CNKSR2: variants seen among roughly 807,000 people sequenced by gnomAD.
The protein encoded by CNKSR2 is connector enhancer of kinase suppressor of Ras 2.
Under a neutral mutation model 84.4 loss-of-function variants are expected in CNKSR2, and 14 were observed. That is an observed-to-expected ratio of 0.17 (90% CI 0.11 to 0.26). The LOEUF (loss-of-function observed/expected upper bound fraction) is 0.26. Ranked by LOEUF, CNKSR2 falls within the 10% of genes least tolerant of loss-of-function variation. The pLI is 1.00. For synonymous variants in CNKSR2, 275 were observed against 277.9 expected (o/e 0.99, Z 0.10); for missense variants, 485 against 771.2 (o/e 0.63, Z 4.40).
intron 1 of CNKSR2, among the ~76,000 whole-genome samples, chrX:21,382,748 C>T (rs2089916831): frequency 9.0e-6 from 1 of 110,993 alleles, no homozygotes; most frequent in Non-Finnish European, 1.9e-5. Context: ...AATAGGAATA[C>T]AATTAAGGTA....
intron 13 of CNKSR2, among the ~76,000 whole-genome samples, chrX:21,583,512 G>A (rs1039139243): frequency 9.0e-6 from 1 of 111,608 alleles, no homozygotes; most frequent in Non-Finnish European, 1.9e-5. Flanking sequence ...CATCTAAAGT[G>A]TTTCAAATTG....
chrX:21,490,574 G>A lies in CNKSR2; in HGVS notation c.677G>A (p.Gly226Glu). 1 of 1,206,219 alleles carries A rather than the reference G, an allele frequency of 8.3e-7. No individual in the cohort carries two copies. The highest frequency in any genetic ancestry group is 1.1e-6 in the Non-Finnish European group (1 of 892,509). ...CTGGCAAACATTAAACCAAGCGAAG[G>A]GCTGGTAAGAGATACCATGTTTATC... ...IQLANIKPSE[G>E]LGMYIKSTYD... The change falls in exon 6 of 22, where the codon GGG (glycine) becomes GAG (glutamate). Residue 226 changes from glycine (G) to glutamate (E), a missense_variant. Coordinates refer to ENST00000379510, the MANE Select transcript of CNKSR2 (RefSeq NM_014927.5).
rs368714656 is a variant in CNKSR2 at position 21,542,174 on chromosome X, C to T, written c.1303+10107C>T. The stretch of plus-strand genomic sequence containing the variant: ...GAGAGTATAAAATAGGTTTACTTTC[C>T]TAAAAAGATAGACAGGAATAACTTA... On this transcript the variant is annotated intron_variant, in intron 11 of 21. Coordinates refer to ENST00000379510, the MANE Select transcript of CNKSR2 (RefSeq NM_014927.5). 6.3e-5 allele frequency among the ~76,000 whole-genome samples: 7 copies of T among 111,977 alleles called. No individual in the cohort carries two copies. The East Asian group carries it at 1.4e-3, about 22-fold the overall frequency.
At chrX:21,529,714 A>G (rs1308507488) in intron 10 of CNKSR2, among the ~76,000 whole-genome samples, 3 of 110,964 alleles carry the variant, frequency 2.7e-5, no homozygotes, top group East Asian at 5.7e-4. Context: ...ACACATTTAC[A>G]TACACAATAC....
intron 4 of CNKSR2, among the ~76,000 whole-genome samples, chrX:21,454,260 T>C (rs943163988): frequency 3.6e-5 from 4 of 111,732 alleles, no homozygotes; most frequent in Middle Eastern, 4.6e-3. Context: ...ATAAACACAA[T>C]ATTAAGTGCA....
At chrX:21,545,692 G>A (rs769722095) in intron 11 of CNKSR2, among the ~76,000 whole-genome samples, 5 of 112,025 alleles carry the variant, frequency 4.5e-5, no homozygotes, top group African/African-American at 1.6e-4. Context: ...TCTGGCAGGT[G>A]CCCCTCTGGG....
chrX:21,457,380 T>C (rs1364027294), intron 4 of CNKSR2, among the ~76,000 whole-genome samples: 1 of 111,693 alleles, frequency 9.0e-6, no homozygotes, highest in East Asian at 2.8e-4. Context: ...TCTACCCTTG[T>C]ATCTTTTGGA....
At chrX:21,575,162 GAT>G (rs2092310776) in intron 13 of CNKSR2, among the ~76,000 whole-genome samples, 2 of 111,581 alleles carry the variant, frequency 1.8e-5, no homozygotes, top group Non-Finnish European at 3.8e-5. Context: ...CCTAGATACA[GAT>G]ATATGGTTAA....
At position 21,530,007 on chromosome X, in the gene CNKSR2, A is replaced by T. The variant is rs1227027124; in HGVS notation, c.1092-1849A>T. Among the ~76,000 whole-genome samples, 4 of 110,638 alleles carry T rather than the reference A, an allele frequency of 3.6e-5. No individual in the cohort carries two copies. In the South Asian group the frequency reaches 1.5e-3, roughly 42 times the overall value. ...TCATAGCTTGAGGTCTGGTACATTG[A>T]CAGATACGCATAACCTTACTCCAGT... On this transcript the variant is annotated intron_variant, in intron 10 of 21. Transcript: ENST00000379510.
At chrX:21,602,665 G>GA (rs2092490372) in intron 18 of CNKSR2, among the ~76,000 whole-genome samples, 1 of 110,125 alleles carries the variant, frequency 9.1e-6, no homozygotes, top group Admixed American at 9.7e-5. Flanking sequence ...TAAGAGTACT[G>GA]AAAAAAAATT....
chrX:21,591,558 G>GT (rs1314731835), intron 15 of CNKSR2: 160 of 107,920 alleles, frequency 1.5e-3, no homozygotes, highest in East Asian at 0.011. Flanking sequence ...CTTTTTTCTG[G>GT]TTTTTTTTTT....
chrX:21,561,609 C>T, intron 12 of CNKSR2, 49 bp downstream of exon 12: 1 of 896,259 alleles, frequency 1.1e-6, no homozygotes, highest in Non-Finnish European at 1.6e-6. Flanking sequence ...GAACAATAAG[C>T]AAATTTAAAT....
rs202059025 is a variant in CNKSR2, at chrX:21,490,556, A to G, written c.659A>G (p.Asn220Ser). The G allele has an allele frequency of 8.3e-7, 1 of 1,207,215 alleles. No individual in the cohort carries two copies. Among genetic ancestry groups the G allele is most frequent in the African/African-American group, 1.7e-5 (1 of 57,211 alleles). ...SAHLEVIQLA[N>S]IKPSEGLGMY... ...CACCTGGAAGTGATTCAACTGGCAA[A>G]CATTAAACCAAGCGAAGGGCTGGTA... Residue 220 changes from asparagine (N) to serine (S), a missense_variant, in exon 6 of 22, where the codon AAC becomes AGC. By Grantham distance (46) the Asn-to-Ser change is conservative (BLOSUM62 1). This residue lies in a region of CNKSR2 where 109 missense variants were observed against 197.5 expected (regional missense o/e 0.55). Transcript: ENST00000379510.
intron 11 of CNKSR2, among the ~76,000 whole-genome samples, chrX:21,543,637 G>C (rs1007148378): frequency 9.0e-6 from 1 of 111,725 alleles, no homozygotes; most frequent in South Asian, 3.7e-4. Context: ...AAATAGACTT[G>C]AATTTGCTAT....
chrX:21,538,987 A>G (rs1000972380), intron 11 of CNKSR2: 1 of 111,711 alleles, frequency 9.0e-6, no homozygotes, highest in African/African-American at 3.2e-5. Flanking sequence ...TCAAATATTA[A>G]TCTCCTTTGG....
At chrX:21,395,943 G>A (rs1277972568) in intron 1 of CNKSR2, among the ~76,000 whole-genome samples, 1 of 111,861 alleles carries the variant, frequency 8.9e-6, no homozygotes, top group African/African-American at 3.2e-5. Flanking sequence ...AATGCCCACA[G>A]ATCTAGGCCA....
chrX:21,568,817 G>A (rs2092261736), intron 13 of CNKSR2, among the ~76,000 whole-genome samples: 1 of 111,440 alleles, frequency 9.0e-6, no homozygotes, highest in Non-Finnish European at 1.9e-5. Context: ...AGGTAGTTAT[G>A]TGGTAGAGCT....
intron 8 of CNKSR2, chrX:21,504,053 G>A (rs1385223116): frequency 9.0e-6 from 1 of 110,930 alleles, no homozygotes; most frequent in Non-Finnish European, 1.9e-5. Flanking sequence ...TCGGTTGCCA[G>A]GTTTTTTTGT....
At chrX:21,554,202 G>A (rs1326731978) in intron 11 of CNKSR2, among the ~76,000 whole-genome samples, 2 of 111,716 alleles carry the variant, frequency 1.8e-5, no homozygotes, top group African/African-American at 3.3e-5. Flanking sequence ...TAGAAGTGCC[G>A]CATAATTTTT....
Sources: allele counts gnomAD v4.1 joint callset (sites outside exome capture counted in the v4.1 genomes callset), GRCh38; gene constraint gnomAD v4.1.1; regional missense constraint gnomAD v4.1.1; transcripts MANE v1.5; gene names NCBI Gene and HGNC (gene_info 2026-07-23, HGNC 2026-07-21).